UTRN: variants seen among roughly 807,000 people sequenced by gnomAD.
UTRN encodes dystrophin-related protein 1.
In UTRN, 283 loss-of-function variants were observed where a neutral mutation model predicts 463.9. The ratio of observed to expected loss-of-function variants is 0.61; its 90% CI spans 0.55 to 0.67. The LOEUF (loss-of-function observed/expected upper bound fraction) is 0.67. UTRN is among the 30% of genes least tolerant of loss of function. UTRN has a pLI of 0.00. For missense variants in UTRN, 3,922 were observed against 4,084.3 expected, an observed-to-expected ratio of 0.96 and a Z score of 1.08; for synonymous variants, 1,442 against 1,431.5, an observed-to-expected ratio of 1.01 and a Z score of -0.17.
intron 17 of UTRN, among the ~76,000 whole-genome samples, chr6:144,449,145 C>T (rs909401644): frequency 1.3e-5 from 2 of 152,134 alleles, no homozygotes; most frequent in Non-Finnish European, 2.9e-5. Flanking sequence ...AATATAGCTT[C>T]CCCAGTTTTT....
At chr6:144,478,528 G>C (rs1791488408) in intron 25 of UTRN, among the ~76,000 whole-genome samples, 1 of 152,196 alleles carries the variant, frequency 6.6e-6, no homozygotes, top group Non-Finnish European at 1.5e-5. Context: ...GCTGGCATCA[G>C]CTCCTTGGTT....
rs768171061 is a variant in UTRN, at chr6:144,482,201, T to C, written c.3508-8T>C. ...TTTTTCAAGTTCATCCATCCTTTCT[T>C]GGAACAGAGGGCAAAAGAGGATGTG... On this transcript the variant is annotated splice_polypyrimidine_tract_variant and splice_region_variant and intron_variant, in intron 26 of 74. Transcript: ENST00000367545. The C allele has an allele frequency of 2.1e-6, 3 of 1,440,508 alleles. No homozygotes were observed. Among genetic ancestry groups the C allele is most frequent in the Non-Finnish European group, 2.8e-6 (3 of 1,087,624 alleles). 89.2% of individuals were successfully genotyped at this position (1,440,508 alleles called of 1,614,324 possible). A position where few individuals can be genotyped will look rare whatever the true frequency, so the allele number is the denominator to read the frequency against.
At chr6:144,322,408 G>T (rs1775716796) in intron 2 of UTRN, among the ~76,000 whole-genome samples, 1 of 152,180 alleles carries the variant, frequency 6.6e-6, no homozygotes, top group Admixed American at 6.5e-5. Context: ...TGAACCTGTA[G>T]CTCAGCTAAT....
intron 69 of UTRN, among the ~76,000 whole-genome samples, chr6:144,831,856 G>A (rs1347055965): frequency 6.6e-6 from 1 of 152,176 alleles, no homozygotes; most frequent in East Asian, 1.9e-4. Context: ...CACAGGCATT[G>A]CAGTTTGCAA....
At chr6:144,798,921 T>C (rs1366821015) in intron 64 of UTRN, among the ~76,000 whole-genome samples, 1 of 152,226 alleles carries the variant, frequency 6.6e-6, no homozygotes, top group Non-Finnish European at 1.5e-5. Flanking sequence ...TTTGTATTTT[T>C]AGTAGAGACT....
At chr6:144,441,551 T>C (rs745779232) in intron 13 of UTRN, among the ~76,000 whole-genome samples, 5 of 152,182 alleles carry the variant, frequency 3.3e-5, no homozygotes, top group Non-Finnish European at 7.4e-5. Flanking sequence ...CCTGGCTGCT[T>C]TCATGGGTCA....
chr6:144,847,418 TTTTG>T (rs1246451757), intron 74 of UTRN, among the ~76,000 whole-genome samples: 3 of 150,830 alleles, frequency 2.0e-5, no homozygotes, highest in South Asian at 4.2e-4. Context: ...TTGTTTTGTT[TTTTG>T]TTTTTGTTTT....
At chr6:144,774,143 A>G in intron 59 of UTRN, 147 bp from the exon 60 acceptor site, 1 of 745,478 alleles carries the variant, frequency 1.3e-6, no homozygotes, top group South Asian at 1.9e-5. Context: ...TTTTTCTTAA[A>G]TACGTGTTGG....
chr6:144,756,877 C>G (rs977267056), intron 57 of UTRN, among the ~76,000 whole-genome samples: 5 of 152,070 alleles, frequency 3.3e-5, no homozygotes, highest in Admixed American at 3.3e-4. Flanking sequence ...TATTTTATCT[C>G]TACACATTTA....
intron 19 of UTRN, among the ~76,000 whole-genome samples, chr6:144,458,278 T>A (rs991648062): frequency 6.6e-6 from 1 of 152,224 alleles, no homozygotes; most frequent in African/African-American, 2.4e-5. Flanking sequence ...CTTCCCAGCA[T>A]AAGGCATCCT....
intron 51 of UTRN, among the ~76,000 whole-genome samples, chr6:144,584,287 T>A (rs1185245832): frequency 1.3e-5 from 2 of 152,138 alleles, no homozygotes; most frequent in African/African-American, 4.8e-5. Context: ...CTGTTATATG[T>A]TTGATCATAG....
At chr6:144,515,409 G>A (rs559849392) in intron 37 of UTRN, among the ~76,000 whole-genome samples, 48 of 152,008 alleles carry the variant, frequency 3.2e-4, no homozygotes, top group African/African-American at 1.2e-3. Flanking sequence ...AGCTAGGGAT[G>A]AATATTAAAC....
chr6:144,737,623 A>G (rs933531515), intron 54 of UTRN, among the ~76,000 whole-genome samples: 3 of 152,224 alleles, frequency 2.0e-5, no homozygotes, highest in South Asian at 2.1e-4. Context: ...GGAAAACTCA[A>G]CTACTCAGAT....
chr6:144,633,534 C>T (rs1446980203), intron 51 of UTRN, among the ~76,000 whole-genome samples: 1 of 152,170 alleles, frequency 6.6e-6, no homozygotes, highest in Non-Finnish European at 1.5e-5. Flanking sequence ...GCCCGGCCTG[C>T]TTCTCCATTT....
At chr6:144,495,302 G>A (rs996199077) in intron 33 of UTRN, among the ~76,000 whole-genome samples, 2 of 152,242 alleles carry the variant, frequency 1.3e-5, no homozygotes, top group Non-Finnish European at 2.9e-5. Flanking sequence ...CCGCAGGAAG[G>A]CAGCTAAGGC....
intron 60 of UTRN, among the ~76,000 whole-genome samples, chr6:144,780,559 AATAAATGTATAG>A (rs1775733631): frequency 6.6e-6 from 1 of 152,224 alleles, no homozygotes; most frequent in Non-Finnish European, 1.5e-5. Flanking sequence ...CTCCACACTC[AATAAATGTATAG>A]ATAGATACAT....
chr6:144,465,062 T>C (rs1342033581), intron 23 of UTRN, among the ~76,000 whole-genome samples: 1 of 152,196 alleles, frequency 6.6e-6, no homozygotes, highest in Non-Finnish European at 1.5e-5. Flanking sequence ...CATCCCACCA[T>C]GTACAGGACA....
chr6:144,378,574 T>A (rs1223515922), intron 2 of UTRN, among the ~76,000 whole-genome samples: 1 of 152,144 alleles, frequency 6.6e-6, no homozygotes, highest in East Asian at 1.9e-4. Flanking sequence ...GAGGCAGGCA[T>A]AGCAGCATGA....
At chr6:144,651,603 C>T (rs963792046) in intron 51 of UTRN, among the ~76,000 whole-genome samples, 1 of 152,090 alleles carries the variant, frequency 6.6e-6, no homozygotes, top group African/African-American at 2.4e-5. Context: ...TTTTCTCATA[C>T]AATTAAAACA....
Sources: allele counts gnomAD v4.1 joint callset (sites outside exome capture counted in the v4.1 genomes callset), GRCh38; gene constraint gnomAD v4.1.1; transcripts MANE v1.5; gene names NCBI Gene and HGNC (gene_info 2026-07-23, HGNC 2026-07-21).